The following ERC2 variants were observed in gnomAD, a reference collection of about 807,000 sequenced individuals.
ERC2 encodes ELKS/RAB6-interacting/CAST family member 2.
In ERC2, 42 loss-of-function variants were observed where a neutral mutation model predicts 114.8. The observed-to-expected ratio is 0.37, with a 90% CI of 0.29 to 0.47. The LOEUF is 0.47. Among genes scored for constraint, ERC2 ranks in the 20% least tolerant of loss-of-function variants. The pLI is 0.99. For missense variants in ERC2, 939 were observed against 1,150.7 expected, an observed-to-expected ratio of 0.82 and a Z score of 2.66; for synonymous variants, 454 against 425.5, an observed-to-expected ratio of 1.07 and a Z score of -0.82.
chr3:56,119,621 C>A (rs990652618), intron 6 of ERC2, among the ~76,000 whole-genome samples: 2 of 152,166 alleles, frequency 1.3e-5, no homozygotes, highest in African/African-American at 4.8e-5. Context: ...CTTTCTCTTC[C>A]AGAGATGGAA....
At chr3:55,802,099 A>G (rs937257730) in intron 14 of ERC2, among the ~76,000 whole-genome samples, 4 of 152,260 alleles carry the variant, frequency 2.6e-5, no homozygotes, top group Admixed American at 2.0e-4. Flanking sequence ...TTAGAGCTTA[A>G]GCTGACCAAT....
At chr3:55,869,895 T>C (rs2149279849) in intron 14 of ERC2, among the ~76,000 whole-genome samples, 1 of 152,124 alleles carries the variant, frequency 6.6e-6, no homozygotes, top group Admixed American at 6.5e-5. Context: ...ACCGACACTT[T>C]CACAGAGAGG....
intron 17 of ERC2, among the ~76,000 whole-genome samples, chr3:55,610,064 CAAAAA>C (rs36088271): frequency 2.1e-3 from 245 of 118,778 alleles, no homozygotes; most frequent in African/African-American, 2.9e-3. Context: ...CAAACACAAA[CAAAAA>C]AAAAAAAAAA....
chr3:55,729,239 G>A (rs1044578512), intron 15 of ERC2, among the ~76,000 whole-genome samples: 1 of 151,916 alleles, frequency 6.6e-6, no homozygotes, highest in African/African-American at 2.4e-5. Flanking sequence ...CTCACTCTAC[G>A]CCAGCCATAT....
At chr3:56,075,485 T>C (rs565824572) in intron 7 of ERC2, among the ~76,000 whole-genome samples, 1 of 152,346 alleles carries the variant, frequency 6.6e-6, no homozygotes, top group East Asian at 1.9e-4. Context: ...CCAGATATTC[T>C]TACAAAAAAT....
At chr3:56,115,337 T>C (rs1485377953) in intron 6 of ERC2, among the ~76,000 whole-genome samples, 2 of 152,142 alleles carry the variant, frequency 1.3e-5, no homozygotes, top group Non-Finnish European at 2.9e-5. Context: ...ATTCAATCAC[T>C]GGCCATTCTC....
chr3:56,170,600 T>TTTTTG (rs2082598633), intron 4 of ERC2, among the ~76,000 whole-genome samples: 2 of 143,314 alleles, frequency 1.4e-5, no homozygotes, highest in Non-Finnish European at 3.0e-5. Context: ...TTTTTTTTTT[T>TTTTTG]TTTTTTTTTT....
chr3:56,121,795 G>C (rs571375005), intron 6 of ERC2, among the ~76,000 whole-genome samples: 4 of 152,098 alleles, frequency 2.6e-5, no homozygotes, highest in Admixed American at 6.5e-5. Context: ...AAACATGGGC[G>C]TTTTCTTCAA....
intron 1 of ERC2, among the ~76,000 whole-genome samples, chr3:56,443,319 C>T (rs1474130692): frequency 6.6e-6 from 1 of 152,210 alleles, no homozygotes; most frequent in African/African-American, 2.4e-5. Flanking sequence ...GTAATGTCTT[C>T]ACCACTGTAC....
intron 17 of ERC2, among the ~76,000 whole-genome samples, chr3:55,675,685 T>C (rs1284270492): frequency 6.6e-6 from 1 of 152,106 alleles, no homozygotes; most frequent in Non-Finnish European, 1.5e-5. Flanking sequence ...GAGAAGTATC[T>C]ATTCTCAGGC....
At chr3:56,397,871 A>C (rs1277646509) in intron 2 of ERC2, among the ~76,000 whole-genome samples, 1 of 152,212 alleles carries the variant, frequency 6.6e-6, no homozygotes, top group East Asian at 1.9e-4. Context: ...CCATGGTCCC[A>C]GACAGCTGCT....
At chr3:56,169,991 C>G (rs2082548101) in intron 4 of ERC2, among the ~76,000 whole-genome samples, 1 of 152,204 alleles carries the variant, frequency 6.6e-6, no homozygotes, top group East Asian at 1.9e-4. Flanking sequence ...TGACAGTTAT[C>G]CACAAGAGCA....
At chr3:56,114,547 C>T (rs1198259886) in intron 6 of ERC2, among the ~76,000 whole-genome samples, 2 of 152,104 alleles carry the variant, frequency 1.3e-5, no homozygotes, top group African/African-American at 4.8e-5. Context: ...GAGGGGGTTC[C>T]ATTCAGTGAG....
At chr3:56,047,951 T>C (rs1162351308) in intron 7 of ERC2, among the ~76,000 whole-genome samples, 2 of 152,178 alleles carry the variant, frequency 1.3e-5, no homozygotes, top group Non-Finnish European at 2.9e-5. Context: ...GGGCCCTAGA[T>C]GCAGTGGAAT....
chr3:56,217,309 A>G (rs1246819582), intron 3 of ERC2, among the ~76,000 whole-genome samples: 1 of 152,240 alleles, frequency 6.6e-6, no homozygotes, highest in Admixed American at 6.5e-5. Flanking sequence ...ATACAAAATC[A>G]ATGTGCAAAA....
intron 13 of ERC2, among the ~76,000 whole-genome samples, chr3:55,926,595 C>T (rs529411944): frequency 2.0e-4 from 30 of 152,122 alleles, no homozygotes; most frequent in African/African-American, 7.2e-4. Context: ...AAGTAAGATC[C>T]GGGTTTGAAT....
intron 17 of ERC2, among the ~76,000 whole-genome samples, chr3:55,535,251 C>T (rs2053925280): frequency 6.6e-6 from 1 of 152,004 alleles, no homozygotes. Context: ...GGAGAAATAT[C>T]CTCTGGAATA....
At chr3:55,606,558 C>T (rs2058651679) in intron 17 of ERC2, 1 of 152,212 alleles carries the variant, frequency 6.6e-6, no homozygotes, top group African/African-American at 2.4e-5. Context: ...CAACAATTTA[C>T]ATCATGTGGA....
chr3:55,768,219 T>G (rs9829675), intron 14 of ERC2, among the ~76,000 whole-genome samples: 5,630 of 152,346 alleles, frequency 0.037, 251 homozygotes, highest in African/African-American at 0.1. Context: ...GGTATTTGTT[T>G]ATAGCAATGT....
Sources: allele counts gnomAD v4.1 joint callset (sites outside exome capture counted in the v4.1 genomes callset), GRCh38; gene constraint gnomAD v4.1.1; transcripts MANE v1.5; gene names NCBI Gene and HGNC (gene_info 2026-07-23, HGNC 2026-07-21).